CNTN5: variants seen among roughly 807,000 people sequenced by gnomAD.
CNTN5 encodes the protein contactin-5.
In CNTN5, 77 loss-of-function variants were observed where a neutral mutation model predicts 129.1. The ratio of observed to expected loss-of-function variants is 0.60; its 90% CI spans 0.50 to 0.72. The LOEUF is 0.72. Among genes scored for constraint, CNTN5 ranks in the 30% least tolerant of loss-of-function variants. The pLI, the probability that CNTN5 is intolerant of heterozygous loss-of-function variation, is 0.00. For missense variants in CNTN5, 1,478 were observed against 1,328.8 expected (o/e 1.11, Z -1.75); for synonymous variants, 509 against 465.6 (o/e 1.09, Z -1.20).
intron 1 of CNTN5, among the ~76,000 whole-genome samples, chr11:99,232,955 C>A (rs7941063): frequency 0.013 from 2,041 of 152,126 alleles, 47 homozygotes; most frequent in African/African-American, 0.046. Flanking sequence ...ACAATGTGAA[C>A]CTTTAAAGAA....
intron 6 of CNTN5, among the ~76,000 whole-genome samples, chr11:99,866,864 C>A (rs1948369829): frequency 6.6e-6 from 1 of 152,208 alleles, no homozygotes; most frequent in South Asian, 2.1e-4. Context: ...TCAGTACTTA[C>A]CAATCCCTCT....
chr11:99,947,906 C>G (rs1207057225), intron 7 of CNTN5, among the ~76,000 whole-genome samples: 1 of 152,044 alleles, frequency 6.6e-6, no homozygotes, highest in Non-Finnish European at 1.5e-5. Context: ...TAAATACCTG[C>G]CTTATGAATT....
intron 1 of CNTN5, among the ~76,000 whole-genome samples, chr11:99,236,744 C>T (rs918134823): frequency 2.0e-5 from 3 of 152,036 alleles, no homozygotes; most frequent in Non-Finnish European, 2.9e-5. Flanking sequence ...AAATTACATA[C>T]GATCGAAGTA....
intron 2 of CNTN5, among the ~76,000 whole-genome samples, chr11:99,382,042 G>A (rs753767277): frequency 2.0e-5 from 3 of 151,258 alleles, no homozygotes; most frequent in Non-Finnish European, 4.4e-5. Flanking sequence ...AGAATTAGGG[G>A]TTTAAAAATT....
chr11:99,224,074 C>T (rs995268627), intron 1 of CNTN5, among the ~76,000 whole-genome samples: 5 of 152,234 alleles, frequency 3.3e-5, no homozygotes, highest in Non-Finnish European at 7.4e-5. Context: ...TTCAATGCAC[C>T]CATCACAATT....
At chr11:100,191,286 T>C (rs747260769) in intron 14 of CNTN5, 33 bp downstream of exon 14, 2 of 1,590,380 alleles carry the variant, frequency 1.3e-6, no homozygotes, top group Non-Finnish European at 1.7e-6. Context: ...TTTACAAGCA[T>C]AGTCTCATGG....
chr11:99,768,946 A>C (rs1390311121), intron 3 of CNTN5, among the ~76,000 whole-genome samples: 2 of 152,172 alleles, frequency 1.3e-5, no homozygotes, highest in Non-Finnish European at 2.9e-5. Context: ...TATACTATAG[A>C]ACACAAAATA....
intron 6 of CNTN5, among the ~76,000 whole-genome samples, chr11:99,862,931 A>G (rs1948252883): frequency 6.6e-6 from 1 of 152,098 alleles, no homozygotes; most frequent in South Asian, 2.1e-4. Context: ...GATCTGGGGA[A>G]GTGTATATAT....
intron 6 of CNTN5, among the ~76,000 whole-genome samples, chr11:99,871,732 A>C (rs1948507921): frequency 6.6e-6 from 1 of 152,004 alleles, no homozygotes; most frequent in Non-Finnish European, 1.5e-5. Flanking sequence ...AGCTGGAAAA[A>C]ATCCTGCTGA....
At chr11:99,692,826 AC>A (rs1310866529) in intron 3 of CNTN5, among the ~76,000 whole-genome samples, 3 of 152,132 alleles carry the variant, frequency 2.0e-5, no homozygotes, top group Non-Finnish European at 4.4e-5. Context: ...ACTATAGTAT[AC>A]CCTAAACTCA....
chr11:99,915,731 T>C (rs1377715025), intron 6 of CNTN5, among the ~76,000 whole-genome samples: 2 of 152,142 alleles, frequency 1.3e-5, no homozygotes, highest in Non-Finnish European at 2.9e-5. Flanking sequence ...TTATTGGTAG[T>C]AGAAATATCA....
intron 2 of CNTN5, among the ~76,000 whole-genome samples, chr11:99,513,324 G>A (rs1441354609): frequency 1.3e-5 from 2 of 152,070 alleles, no homozygotes; most frequent in South Asian, 2.1e-4. Context: ...CAAAGTGCAC[G>A]GTGAAACAGC....
chr11:99,765,553 C>A (rs1371980597), intron 3 of CNTN5, among the ~76,000 whole-genome samples: 1 of 151,532 alleles, frequency 6.6e-6, no homozygotes, highest in Admixed American at 6.6e-5. Flanking sequence ...ACCCTTCTTA[C>A]ATTTTATATA....
intron 18 of CNTN5, among the ~76,000 whole-genome samples, chr11:100,289,231 A>C (rs1950886020): frequency 6.6e-6 from 1 of 152,078 alleles, no homozygotes; most frequent in African/African-American, 2.4e-5. Context: ...TCAATAGAAA[A>C]AGAGGGAATC....
At chr11:99,950,804 G>A (rs1471513865) in intron 7 of CNTN5, among the ~76,000 whole-genome samples, 2 of 152,126 alleles carry the variant, frequency 1.3e-5, no homozygotes, top group Non-Finnish European at 2.9e-5. Context: ...CCATTTTATG[G>A]ATAGTGAAAC....
chr11:99,783,176 T>C (rs1193925714), intron 3 of CNTN5, among the ~76,000 whole-genome samples: 1 of 88,454 alleles, frequency 1.1e-5, no homozygotes, highest in East Asian at 3.8e-4. Flanking sequence ...AACAGACACT[T>C]CTCAAAAGAA....
rs1307077739 is a variant in CNTN5, at chr11:100,279,989, G to C, written c.2314+8748G>C. Among the ~76,000 whole-genome samples, 3 of 148,420 alleles carry C rather than the reference G, an allele frequency of 2.0e-5. No individual in the cohort carries two copies. In the East Asian group the frequency reaches 5.9e-4, roughly 29 times the overall value. On this transcript the variant is annotated intron_variant, in intron 18 of 24. Transcript: ENST00000524871. ...AGGATTGCTTTTGCTGTATCCCATAGGTCTTGGTATGCTGTGATTCCATTA... is the reference window on the plus strand; with the variant it reads ...AGGATTGCTTTTGCTGTATCCCATACGTCTTGGTATGCTGTGATTCCATTA...
At chr11:99,774,761 T>C (rs1469609639) in intron 3 of CNTN5, among the ~76,000 whole-genome samples, 2 of 152,066 alleles carry the variant, frequency 1.3e-5, no homozygotes, top group Non-Finnish European at 2.9e-5. Context: ...ATGAGCAATG[T>C]TTCAGTTCCG....
intron 3 of CNTN5, among the ~76,000 whole-genome samples, chr11:99,793,088 C>G (rs1255303159): frequency 1.3e-5 from 2 of 150,616 alleles, no homozygotes; most frequent in East Asian, 3.9e-4. Context: ...TCGACACAGT[C>G]TCACTCTGTC....
Sources: gnomAD v4.1 joint callset for allele counts (sites outside exome capture counted in the v4.1 genomes callset) on GRCh38, gnomAD v4.1.1 for gene constraint, MANE v1.5 for transcripts, NCBI Gene and HGNC (gene_info 2026-07-23, HGNC 2026-07-21) for gene names.